PDE10A: variants seen among roughly 807,000 people sequenced by gnomAD.
PDE10A encodes the protein phosphodiesterase 10A, also known as cAMP and cAMP-inhibited cGMP 3',5'-cyclic phosphodiesterase 10A.
PDE10A carries 39 observed loss-of-function variants against 97.7 expected under a neutral mutation model. The ratio of observed to expected loss-of-function variants is 0.40; its 90% CI spans 0.31 to 0.52. PDE10A has a LOEUF of 0.52. Among genes scored for constraint, PDE10A ranks in the 20% least tolerant of loss-of-function variants. PDE10A has a pLI of 0.56. For missense variants in PDE10A, 731 were observed against 1,047.8 expected (o/e 0.70, Z 4.17); for synonymous variants, 371 against 376.8 (o/e 0.98, Z 0.18).
chr6:165,619,943 C>A (rs958511777), intron 1 of PDE10A, among the ~76,000 whole-genome samples: 3 of 151,988 alleles, frequency 2.0e-5, no homozygotes, highest in African/African-American at 4.8e-5. Flanking sequence ...TTAATGGCAC[C>A]CAGTCAATGT....
At chr6:165,719,281 A>G (rs1267967345) in intron 1 of PDE10A, among the ~76,000 whole-genome samples, 1 of 152,228 alleles carries the variant, frequency 6.6e-6, no homozygotes, top group African/African-American at 2.4e-5. Context: ...GGATGGAAGG[A>G]GACTGGCCCA....
chr6:165,954,423 G>C (rs936919956), intron 1 of PDE10A, among the ~76,000 whole-genome samples: 2 of 152,158 alleles, frequency 1.3e-5, no homozygotes, highest in Admixed American at 1.3e-4. Flanking sequence ...CACTTGGTTT[G>C]GTTCTAGACA....
intron 2 of PDE10A, among the ~76,000 whole-genome samples, chr6:165,541,332 T>C (rs1242884765): frequency 1.3e-5 from 2 of 151,508 alleles, no homozygotes; most frequent in Non-Finnish European, 2.9e-5. Flanking sequence ...AAAAGTTAAG[T>C]GAGGAGGAGA....
intron 1 of PDE10A, among the ~76,000 whole-genome samples, chr6:165,947,480 G>C (rs1783810642): frequency 6.6e-6 from 1 of 151,896 alleles, no homozygotes; most frequent in Admixed American, 6.6e-5. Context: ...ATTATTGATG[G>C]CCTTTTATTC....
chr6:165,515,523 CTTTTTTTTTT>C (rs376897417), intron 2 of PDE10A, among the ~76,000 whole-genome samples: 1 of 124,532 alleles, frequency 8.0e-6, no homozygotes, highest in East Asian at 2.3e-4. Flanking sequence ...TGCTTTTGTT[CTTTTTTTTTT>C]TTTTTTTTGA....
chr6:165,381,223 T>C (rs1784904341), intron 17 of PDE10A, among the ~76,000 whole-genome samples: 1 of 152,180 alleles, frequency 6.6e-6, no homozygotes, highest in African/African-American at 2.4e-5. Flanking sequence ...ACACACTGGA[T>C]ATGTCATCTG....
At chr6:165,352,478 A>G (rs1782752684) in intron 18 of PDE10A, among the ~76,000 whole-genome samples, 1 of 152,226 alleles carries the variant, frequency 6.6e-6, no homozygotes, top group African/African-American at 2.4e-5. Context: ...AAGAAATATT[A>G]CCATATATTA....
At chr6:165,722,891 C>CAT (rs1176752713) in intron 1 of PDE10A, among the ~76,000 whole-genome samples, 1 of 151,518 alleles carries the variant, frequency 6.6e-6, no homozygotes, top group African/African-American at 2.4e-5. Context: ...TATACACACA[C>CAT]ACACACACAC....
chr6:165,384,042 G>T (rs1785096266), intron 17 of PDE10A, among the ~76,000 whole-genome samples: 2 of 152,230 alleles, frequency 1.3e-5, no homozygotes, highest in Admixed American at 1.3e-4. Flanking sequence ...TGAAAGACTT[G>T]TATATCCACT....
chr6:165,392,140 C>G (rs185042951), intron 16 of PDE10A, among the ~76,000 whole-genome samples: 1 of 152,320 alleles, frequency 6.6e-6, no homozygotes, highest in East Asian at 1.9e-4. Context: ...ATCTCCAATT[C>G]TAACTCTGAG....
At chr6:165,549,814 TA>T (rs1443125632) in intron 1 of PDE10A, among the ~76,000 whole-genome samples, 1 of 152,230 alleles carries the variant, frequency 6.6e-6, no homozygotes, top group African/African-American at 2.4e-5. Context: ...TTATTTATTT[TA>T]AAAGTCAGTT....
rs1310214309 is a variant in PDE10A at position 165,725,378 on chromosome 6, A to G, written c.-614-181810T>C. 1.2e-4 allele frequency among the ~76,000 whole-genome samples: 18 copies of G among 152,326 alleles called. 1 individual carries two copies. In the East Asian group the frequency reaches 2.7e-3, roughly 23 times the overall value. On this transcript the variant is annotated intron_variant, in intron 1 of 19. Coordinates refer to the PDE10A transcript ENST00000366882. ...AGGGCTTTGGAAGCTGTACACACTC[A>G]ACCCTAGAGGGTGCCATGGGGCCAG...
At chr6:165,353,034 T>C (rs9457078) in intron 18 of PDE10A, among the ~76,000 whole-genome samples, 11,770 of 152,150 alleles carry the variant, frequency 0.077, 525 homozygotes, top group Middle Eastern at 0.2. Flanking sequence ...GCTAAAGACA[T>C]GAACTGACAC....
chr6:165,648,113 C>T (rs372773655), intron 1 of PDE10A, among the ~76,000 whole-genome samples: 9 of 152,168 alleles, frequency 5.9e-5, no homozygotes, highest in African/African-American at 1.9e-4. Flanking sequence ...CTCGGGTTCA[C>T]GCCATTCTCC....
chr6:165,685,987 C>T (rs559448742), intron 1 of PDE10A, among the ~76,000 whole-genome samples: 2 of 152,206 alleles, frequency 1.3e-5, no homozygotes, highest in South Asian at 4.2e-4. Context: ...CGTCCATGAG[C>T]CTAATTGTGT....
intron 1 of PDE10A, chr6:165,774,820 T>G (rs1361158104): frequency 7.7e-6 from 1 of 129,636 alleles, no homozygotes; most frequent in East Asian, 2.3e-4. Flanking sequence ...TAAGTTTTAT[T>G]ACTTTTTTTT....
chr6:165,911,894 C>T (rs756441602), intron 1 of PDE10A, among the ~76,000 whole-genome samples: 6 of 152,086 alleles, frequency 3.9e-5, no homozygotes, highest in African/African-American at 1.2e-4. Context: ...AGGAAGTGTG[C>T]GTTTTCCTCT....
intron 1 of PDE10A, among the ~76,000 whole-genome samples, chr6:165,806,260 C>G (rs1477487726): frequency 6.6e-6 from 1 of 152,012 alleles, no homozygotes; most frequent in Non-Finnish European, 1.5e-5. Flanking sequence ...TATGGAAACC[C>G]CCGACAGAGA....
intron 3 of PDE10A, among the ~76,000 whole-genome samples, chr6:165,476,191 A>G (rs2128276908): frequency 6.6e-6 from 1 of 152,288 alleles, no homozygotes; most frequent in South Asian, 2.1e-4. Context: ...AAAATATCCA[A>G]AGCGTTAGTA....
Sources: allele counts gnomAD v4.1 joint callset (sites outside exome capture counted in the v4.1 genomes callset), GRCh38; gene constraint gnomAD v4.1.1; transcripts MANE v1.5; gene names NCBI Gene and HGNC (gene_info 2026-07-23, HGNC 2026-07-21).